CFAP20: variants seen among roughly 807,000 people sequenced by gnomAD.
CFAP20 encodes cilia- and flagella-associated protein 20.
In CFAP20, 14 loss-of-function variants were observed where a neutral mutation model predicts 25.5. The ratio of observed to expected loss-of-function variants is 0.55; its 90% CI spans 0.36 to 0.86. The LOEUF is 0.86. Ranked by LOEUF, CFAP20 falls within the 40% of genes least tolerant of loss-of-function variation. The pLI, the probability that CFAP20 is intolerant of heterozygous loss-of-function variation, is 0.01. For synonymous variants in CFAP20, 75 were observed against 91.1 expected, an observed-to-expected ratio of 0.82 and a Z score of 1.01; for missense variants, 181 against 248.0, an observed-to-expected ratio of 0.73 and a Z score of 1.81.
intron 2 of CFAP20, 104 bp from the exon 3 acceptor site, chr16:58,116,256 C>A: frequency 1.2e-6 from 1 of 800,464 alleles, no homozygotes; most frequent in Non-Finnish European, 2.0e-6. Context: ...GAAAGCAGAT[C>A]TAAAAGATTC....
chr16:58,116,692 C>T (rs1389664875), intron 2 of CFAP20, 180 bp downstream of exon 2: 3 of 559,650 alleles, frequency 5.4e-6, no homozygotes, highest in Non-Finnish European at 9.5e-6. Context: ...TTATTCTGCC[C>T]ATTGTACAGA....
At chr16:58,120,655 T>C (rs998346835) in intron 1 of CFAP20, among the ~76,000 whole-genome samples, 25 of 152,358 alleles carry the variant, frequency 1.6e-4, no homozygotes, top group African/African-American at 6.0e-4. Context: ...AACTTTTAGT[T>C]GGATTTTCAA....
rs187264455 is a variant in CFAP20 at position 58,118,800 on chromosome 16, C to T, written c.85-1849G>A. ...TTGTGCCACTGTACTCAAGCCTGGG[C>T]GACAGAGTGAGATCCTGTCTCAAAA... On this transcript the variant is annotated intron_variant, in intron 1 of 5. Coordinates refer to ENST00000262498, the MANE Select transcript of CFAP20 (RefSeq NM_013242.3). Among the ~76,000 whole-genome samples, 8 of 151,980 alleles carry T rather than the reference C, an allele frequency of 5.3e-5. No homozygotes were observed. The East Asian group carries it at 5.8e-4, about 11-fold the overall frequency.
chr16:58,125,046 TA>T (rs1162188352), intron 1 of CFAP20, among the ~76,000 whole-genome samples: 1 of 152,268 alleles, frequency 6.6e-6, no homozygotes, highest in Non-Finnish European at 1.5e-5. Flanking sequence ...ACACTTAGCT[TA>T]AAACACAATG....
At chr16:58,123,948 A>G (rs2142369299) in intron 1 of CFAP20, among the ~76,000 whole-genome samples, 1 of 152,328 alleles carries the variant, frequency 6.6e-6, no homozygotes, top group Non-Finnish European at 1.5e-5. Context: ...ACTCTGAGAA[A>G]GGCCTTTGAA....
rs755182323 is a variant in CFAP20, at chr16:58,115,336, TG to T, written c.397del (p.Gln133SerfsTer5). The T allele has an allele frequency of 6.2e-7, 1 of 1,614,230 alleles. No individual in the cohort carries two copies. The highest frequency in any genetic ancestry group is 1.1e-5 in the South Asian group (1 of 91,090). On this transcript the variant is annotated frameshift_variant, in exon 4 of 6. Coordinates refer to ENST00000262498, the MANE Select transcript of CFAP20 (RefSeq NM_013242.3). LOFTEE classifies it high-confidence loss of function. ...MRLDDGWNQI[Q>X]FNLLDFTRRA... The stretch of plus-strand genomic sequence containing the variant: ...CCGTGTGAAGTCTAGCAAGTTGAAC[TG>T]AATCTGGTTCCAGCCGTCATCCAGC...
chr16:58,126,282 T>C (rs1020890697), intron 1 of CFAP20, among the ~76,000 whole-genome samples: 18 of 152,104 alleles, frequency 1.2e-4, no homozygotes, highest in Admixed American at 1.1e-3. Flanking sequence ...ATGAAAAGAA[T>C]GTTTAAGTTG....
intron 2 of CFAP20, 131 bp downstream of exon 2, chr16:58,116,741 A>G (rs141340242): frequency 1.5e-4 from 115 of 746,074 alleles, no homozygotes; most frequent in African/African-American, 3.9e-4. Context: ...TAACTTGCCC[A>G]TGGTAAGCTC....
rs776142038 is a variant in CFAP20, at chr16:58,129,351, G to A, written c.-236C>T. 1.8e-5 allele frequency: 9 copies of A among 499,080 alleles called. No individual in the cohort carries two copies. Among genetic ancestry groups the A allele is most frequent in the Non-Finnish European group, 3.2e-5 (9 of 279,224 alleles). 30.9% of individuals were successfully genotyped at this position (499,080 alleles called of 1,614,324 possible). ...CAGAACGGAAACCACAGCAACTACC[G>A]TCCGCGCCGCGGTATTTCCCCGCCT... On this transcript the variant is annotated 5_prime_UTR_variant, in exon 1 of 6. The change creates a new upstream start codon in the 5' untranslated region. Coordinates refer to ENST00000262498, the MANE Select transcript of CFAP20 (RefSeq NM_013242.3).
At chr16:58,128,188 A>G (rs188447939) in intron 1 of CFAP20, among the ~76,000 whole-genome samples, 1 of 152,222 alleles carries the variant, frequency 6.6e-6, no homozygotes, top group Admixed American at 6.5e-5. Context: ...CAATTCATAG[A>G]CAGCTAGATC....
chr16:58,115,029 C>G (rs749544868), intron 4 of CFAP20, 109 bp from the exon 5 acceptor site: 334 of 1,088,116 alleles, frequency 3.1e-4, no homozygotes, highest in Non-Finnish European at 3.6e-4. Context: ...TCTCCGGCAT[C>G]TCCTTGGCTT....
At chr16:58,125,707 TGATAAAGA>T (rs1344366602) in intron 1 of CFAP20, among the ~76,000 whole-genome samples, 1 of 152,114 alleles carries the variant, frequency 6.6e-6, no homozygotes, top group Admixed American at 6.6e-5. Flanking sequence ...AATAAAATAA[TGATAAAGA>T]GTATAGTAAA....
intron 1 of CFAP20, among the ~76,000 whole-genome samples, chr16:58,124,634 T>C (rs1960586189): frequency 6.6e-6 from 1 of 152,210 alleles, no homozygotes; most frequent in African/African-American, 2.4e-5. Context: ...GGTACAGTAC[T>C]GTATAAACGA....
chr16:58,124,183 A>C (rs1960577749), intron 1 of CFAP20, among the ~76,000 whole-genome samples: 1 of 152,240 alleles, frequency 6.6e-6, no homozygotes, highest in African/African-American at 2.4e-5. Flanking sequence ...CCTTAGAGCC[A>C]CATTAAGGGC....
chr16:58,116,199 C>CT, intron 2 of CFAP20, 47 bp from the exon 3 acceptor site: 1 of 1,387,394 alleles, frequency 7.2e-7, no homozygotes, highest in Non-Finnish European at 1.0e-6. Context: ...GACTCTCTTC[C>CT]TTTGTGGTAT....
chr16:58,115,102 C>A (rs1826534131), intron 4 of CFAP20, 167 bp downstream of exon 4: 17 of 1,081,488 alleles, frequency 1.6e-5, no homozygotes, highest in Non-Finnish European at 2.3e-5. Context: ...CTATACCTGA[C>A]CCGACTTCTG....
Position 58,113,980 on chromosome 16 carries a change from A to G in CFAP20, c.*45T>C. Reference sequence around the variant, plus strand: ...TCCTCCACATAGTTTCCTTTTAAAAAGAAGAGTCACATCCAGGGGTCTATC... The same window carrying G: ...TCCTCCACATAGTTTCCTTTTAAAAGGAAGAGTCACATCCAGGGGTCTATC... On this transcript the variant is annotated 3_prime_UTR_variant, in exon 6 of 6. Coordinates refer to ENST00000262498, the MANE Select transcript of CFAP20 (RefSeq NM_013242.3). 1 of 1,598,406 alleles carries G rather than the reference A, an allele frequency of 6.3e-7. No homozygotes were observed. The highest frequency in any genetic ancestry group is 8.6e-7 in the Non-Finnish European group (1 of 1,165,924).
chr16:58,127,867 T>G (rs1960638969), intron 1 of CFAP20, among the ~76,000 whole-genome samples: 1 of 152,188 alleles, frequency 6.6e-6, no homozygotes, highest in African/African-American at 2.4e-5. Context: ...TCATGTTCTC[T>G]CCCAACTTTA....
At chr16:58,126,440 A>C (rs910448487) in intron 1 of CFAP20, among the ~76,000 whole-genome samples, 5 of 152,218 alleles carry the variant, frequency 3.3e-5, no homozygotes, top group African/African-American at 1.2e-4. Context: ...GTTCACTTCT[A>C]TGCAGACAGA....
Sources: allele counts gnomAD v4.1 joint callset (sites outside exome capture counted in the v4.1 genomes callset), GRCh38; gene constraint gnomAD v4.1.1; transcripts MANE v1.5; gene names NCBI Gene and HGNC (gene_info 2026-07-23, HGNC 2026-07-21).